CREB3L2: variants seen among roughly 807,000 people sequenced by gnomAD.
CREB3L2 encodes cyclic AMP-responsive element-binding protein 3-like protein 2.
CREB3L2 carries 23 observed loss-of-function variants against 57.2 expected under a neutral mutation model. The ratio of observed to expected loss-of-function variants is 0.40; its 90% CI spans 0.29 to 0.57. CREB3L2 has a LOEUF of 0.57. Ranked by LOEUF, CREB3L2 falls within the 20% of genes least tolerant of loss-of-function variation. The pLI is 0.42. For missense variants in CREB3L2, 628 were observed against 634.7 expected, an observed-to-expected ratio of 0.99 and a Z score of 0.11; for synonymous variants, 268 against 265.1, an observed-to-expected ratio of 1.01 and a Z score of -0.11.
chr7:137,895,096 C>T (rs1378955787), intron 8 of CREB3L2, among the ~76,000 whole-genome samples: 1 of 152,110 alleles, frequency 6.6e-6, no homozygotes, highest in African/African-American at 2.4e-5. Context: ...TGCCTGAGAA[C>T]AAAATAAGAA....
intron 1 of CREB3L2, among the ~76,000 whole-genome samples, chr7:137,952,038 TAA>T (rs1801112861): frequency 6.6e-6 from 1 of 152,128 alleles, no homozygotes; most frequent in Non-Finnish European, 1.5e-5. Context: ...AGTGGGAACA[TAA>T]GAGTTTTTCT....
At chr7:137,967,068 T>C (rs73153821) in intron 1 of CREB3L2, among the ~76,000 whole-genome samples, 3,820 of 152,280 alleles carry the variant, frequency 0.025, 71 homozygotes, top group Middle Eastern at 0.037. Context: ...CTTCTCTCTC[T>C]CTCAGTCTTC....
intron 8 of CREB3L2, among the ~76,000 whole-genome samples, chr7:137,901,017 T>G (rs942793608): frequency 6.6e-6 from 1 of 152,190 alleles, no homozygotes; most frequent in African/African-American, 2.4e-5. Flanking sequence ...ATGATCAGCT[T>G]CTTCTTCAAT....
chr7:137,996,251 T>C (rs935153612), intron 1 of CREB3L2, among the ~76,000 whole-genome samples: 2 of 152,214 alleles, frequency 1.3e-5, no homozygotes, highest in African/African-American at 4.8e-5. Context: ...TGAAAGCTTA[T>C]CAAATCTTTC....
intron 2 of CREB3L2, chr7:137,922,508 A>ACAAT: frequency 8.1e-6 from 2 of 245,746 alleles, no homozygotes; most frequent in South Asian, 4.1e-5. Flanking sequence ...ACACACACAC[A>ACAAT]ATATATATAT....
At chr7:137,920,788 G>A (rs1434733318) in intron 2 of CREB3L2, among the ~76,000 whole-genome samples, 1 of 152,226 alleles carries the variant, frequency 6.6e-6, no homozygotes, top group South Asian at 2.1e-4. Flanking sequence ...GTAGTTTGGT[G>A]AGAACAGCAT....
chr7:137,909,318 C>G (rs1407530745), intron 4 of CREB3L2, among the ~76,000 whole-genome samples: 1 of 152,220 alleles, frequency 6.6e-6, no homozygotes, highest in African/African-American at 2.4e-5. Flanking sequence ...ACAACACCCT[C>G]TCTGCCAGGG....
At chr7:137,957,945 G>C (rs1211362569) in intron 1 of CREB3L2, 1 of 385,228 alleles carries the variant, frequency 2.6e-6, no homozygotes, top group Non-Finnish European at 4.9e-6. Flanking sequence ...CTCCCAGAAG[G>C]CAGGAACATT....
At chr7:137,932,462 G>A (rs890867467) in intron 1 of CREB3L2, among the ~76,000 whole-genome samples, 5 of 152,204 alleles carry the variant, frequency 3.3e-5, no homozygotes, top group Non-Finnish European at 5.9e-5. Context: ...GCCGGGCGCA[G>A]TGGCTCACAC....
At chr7:137,881,367 C>A (rs1404244767) in intron 11 of CREB3L2, among the ~76,000 whole-genome samples, 1 of 152,164 alleles carries the variant, frequency 6.6e-6, no homozygotes, top group Non-Finnish European at 1.5e-5. Flanking sequence ...AGGAAATGCT[C>A]ACTGAAGCAT....
At chr7:137,960,809 C>CTTTTTTTTTTTTTTTTTTTTTTTT (rs66493086) in intron 1 of CREB3L2, among the ~76,000 whole-genome samples, 2 of 95,574 alleles carry the variant, frequency 2.1e-5, no homozygotes, top group African/African-American at 4.3e-5. Context: ...TAAATTATTT[C>CTTTTTTTTTTTTTTTTTTTTTTTT]TTTTTTTTTT....
Position 137,899,164 on chromosome 7 carries a change from G to GGAAGGAAGGAAGGAAA in CREB3L2, c.1043+2189_1043+2190insTTTCCTTCCTTCCTTC, listed in dbSNP as rs1799699105. On this transcript the variant is annotated intron_variant, in intron 8 of 11. Transcript: ENST00000330387. ...AGGAAGGAAGGAAGGAAGGAAGGAAGGAAGGAACACGCAGCACAGTCCACC... is the reference window on the plus strand; with the variant it reads ...AGGAAGGAAGGAAGGAAGGAAGGAAGGAAGGAAGGAAGGAAAGAAGGAACACGCAGCACAGTCCACC... Among the ~76,000 whole-genome samples, 3 of 102,772 alleles carry GGAAGGAAGGAAGGAAA rather than the reference G, an allele frequency of 2.9e-5. No homozygotes were observed. The South Asian group carries it at 9.4e-4, about 32-fold the overall frequency. The allele number at this position is 102,772 out of a possible 152,430, so 67.4% of individuals were successfully genotyped here. A position where few individuals can be genotyped will look rare whatever the true frequency, so the allele number is the denominator to read the frequency against.
chr7:137,907,350 A>G (rs17274449), intron 5 of CREB3L2, among the ~76,000 whole-genome samples: 2,607 of 152,286 alleles, frequency 0.017, 32 homozygotes, highest in Middle Eastern at 0.044. Context: ...TCATAGTAGT[A>G]CACACAGGTA....
intron 1 of CREB3L2, among the ~76,000 whole-genome samples, chr7:137,995,323 T>C (rs1005457091): frequency 1.3e-5 from 1 of 78,012 alleles, no homozygotes; most frequent in African/African-American, 5.1e-5. Flanking sequence ...TCTTTTTTTT[T>C]CTTTTCTTTC....
intron 6 of CREB3L2, among the ~76,000 whole-genome samples, chr7:137,904,418 C>A (rs1799836771): frequency 6.6e-6 from 1 of 152,176 alleles, no homozygotes; most frequent in Non-Finnish European, 1.5e-5. Context: ...GTAATCCCAG[C>A]ACTTTGGGAG....
chr7:137,964,659 C>CG (rs1376242060), intron 1 of CREB3L2, among the ~76,000 whole-genome samples: 2 of 152,190 alleles, frequency 1.3e-5, no homozygotes, highest in Admixed American at 6.5e-5. Context: ...TGAAAACAAA[C>CG]GGACTGCTTT....
intron 1 of CREB3L2, among the ~76,000 whole-genome samples, chr7:137,940,268 C>A (rs1451286754): frequency 1.3e-5 from 2 of 152,180 alleles, no homozygotes; most frequent in African/African-American, 4.8e-5. Context: ...TTTACCTCAC[C>A]AGGGGACACC....
Position 137,880,220 on chromosome 7 carries a change from C to A in CREB3L2, c.*256G>T. 1.9e-6 allele frequency: 1 copy of A among 514,942 alleles called. No individual in the cohort carries two copies. Among genetic ancestry groups the A allele is most frequent in the East Asian group, 3.2e-5 (1 of 31,062 alleles). The allele number at this position is 514,942 out of a possible 1,614,324, so 31.9% of individuals were successfully genotyped here. ...AAGCCTGCTTGTCCCACCTCCAACC[C>A]CTAAAATAATTTCCTATGGCAGTAA... On this transcript the variant is annotated 3_prime_UTR_variant, in exon 12 of 12. Coordinates refer to ENST00000330387, the MANE Select transcript of CREB3L2 (RefSeq NM_194071.4). This position sits in a 1 kb window ranked among gnomAD's most constrained non-coding sequence, Gnocchi z 4.0.
intron 1 of CREB3L2, chr7:137,933,902 C>A (rs1356055624): frequency 5.9e-5 from 9 of 152,180 alleles, no homozygotes; most frequent in African/African-American, 2.2e-4. Flanking sequence ...TTAATGCCAG[C>A]CAGTTGGAAA....
Sources: allele counts gnomAD v4.1 joint callset (sites outside exome capture counted in the v4.1 genomes callset), GRCh38; gene constraint gnomAD v4.1.1; non-coding constraint Gnocchi (gnomAD v3.1); transcripts MANE v1.5; gene names NCBI Gene and HGNC (gene_info 2026-07-23, HGNC 2026-07-21).